Variants in SPEG observed in about 807,000 individuals in gnomAD.
SPEG encodes striated muscle preferentially expressed protein kinase.
A neutral mutation model predicts 300.4 loss-of-function variants in SPEG; 114 were observed. The ratio of observed to expected loss-of-function variants is 0.38; its 90% CI spans 0.33 to 0.44. The LOEUF is 0.44. SPEG is among the 20% of genes least tolerant of loss of function. The probability of loss-of-function intolerance (pLI) is 1.00; values close to 1 mark genes in which losing one functional copy is unlikely to be tolerated. For synonymous variants in SPEG, 1,964 were observed against 2,018.9 expected, an observed-to-expected ratio of 0.97 and a Z score of 0.73; for missense variants, 4,201 against 4,586.2, an observed-to-expected ratio of 0.92 and a Z score of 2.43.
intron 4 of SPEG, among the ~76,000 whole-genome samples, chr2:219,450,055 G>A (rs1689629528): frequency 6.6e-6 from 1 of 152,138 alleles, no homozygotes; most frequent in Non-Finnish European, 1.5e-5. Context: ...TCTACCTGCT[G>A]CTCCTGGGAG....
intron 10 of SPEG, 104 bp downstream of exon 10, chr2:219,467,538 G>T (rs1045657106): frequency 1.4e-5 from 19 of 1,379,136 alleles, no homozygotes; most frequent in Non-Finnish European, 1.9e-5. Flanking sequence ...CTCCAACCCC[G>T]AGGGGAAGCG....
At chr2:219,449,831 A>G (rs1186931300) in intron 4 of SPEG, among the ~76,000 whole-genome samples, 2 of 151,948 alleles carry the variant, frequency 1.3e-5, no homozygotes, top group Admixed American at 6.6e-5. Context: ...CCTCAGGCTT[A>G]CACCCCGCAT....
At chr2:219,490,036 G>A (rs924022327) in intron 36 of SPEG, 97 bp downstream of exon 36, 22 of 1,385,390 alleles carry the variant, frequency 1.6e-5, no homozygotes, top group Admixed American at 2.4e-5. Flanking sequence ...CCTGGCTGGG[G>A]TGGGGGGAGG....
chr2:219,450,274 T>C (rs1689644552), intron 4 of SPEG, among the ~76,000 whole-genome samples: 1 of 152,230 alleles, frequency 6.6e-6, no homozygotes, highest in East Asian at 1.9e-4. Flanking sequence ...TTTCAGCCTA[T>C]ATGTCAGTTT....
At position 219,464,302 on chromosome 2, in the gene SPEG, C is replaced by A; in HGVS notation, c.2706-131C>A. On this transcript the variant is annotated intron_variant, in intron 8 of 40. Coordinates refer to ENST00000312358, the MANE Select transcript of SPEG (RefSeq NM_005876.5). This position sits in a 1 kb window ranked among gnomAD's most constrained non-coding sequence, Gnocchi z 4.5. ...CCTGGAAACCAGGGATGCCCACGGT[C>A]AGTGGGACAGATCTGGGGACTGGGC... 1 of 1,004,902 alleles carries A rather than the reference C, an allele frequency of 1.0e-6. No individual in the cohort carries two copies. Among genetic ancestry groups the A allele is most frequent in the Non-Finnish European group, 1.4e-6 (1 of 689,976 alleles). 62.2% of individuals were successfully genotyped at this position (1,004,902 alleles called of 1,614,324 possible). A position where few individuals can be genotyped will look rare whatever the true frequency, so the allele number is the denominator to read the frequency against.
Position 219,472,232 on chromosome 2 carries a change from G to A in SPEG, c.3841G>A (p.Val1281Ile). The A allele has an allele frequency of 6.2e-7, 1 of 1,613,688 alleles. No individual in the cohort carries two copies. The highest frequency in any genetic ancestry group is 8.5e-7 in the Non-Finnish European group (1 of 1,179,972). ...CYAHLYVTDV[V>I]PGPPDGAPQV... ...ATTCGAACTGCGGCTTTCAGATGTG[G>A]TCCCAGGCCCTCCAGATGGCGCCCC... The change falls in exon 15 of 41, where the codon GTC becomes ATC. Residue 1281 changes from valine (V) to isoleucine (I), a missense_variant. This residue lies in a region of SPEG where 1,047 missense variants were observed against 1,356.8 expected (regional missense o/e 0.77). Coordinates refer to ENST00000312358, the MANE Select transcript of SPEG (RefSeq NM_005876.5).
rs532147251 is a variant in SPEG, at chr2:219,480,578, T to G, written c.5343-93T>G. The G allele has an allele frequency of 1.1e-5, 14 of 1,317,016 alleles. No individual in the cohort carries two copies. The East Asian group carries it at 3.2e-4, about 30-fold the overall frequency. 81.6% of individuals were successfully genotyped at this position (1,317,016 alleles called of 1,614,324 possible). A position where few individuals can be genotyped will look rare whatever the true frequency, so the allele number is the denominator to read the frequency against. ...GTCCATGGCAGTGTTCCCAGGGAGG[T>G]AACAGCTCACTCAGGTCAGCAGTAG... On this transcript the variant is annotated intron_variant, in intron 25 of 40. Transcript: ENST00000312358. This position sits in a 1 kb window ranked among gnomAD's most constrained non-coding sequence, Gnocchi z 5.3.
In SPEG at chr2:219,472,292, C is replaced by T. The variant is rs1691950387; in HGVS notation, c.3901C>T (p.Leu1301Phe). The change falls in exon 15 of 41, where the codon CTC (leucine) becomes TTC (phenylalanine). Residue 1301 changes from leucine (L) to phenylalanine (F), a missense_variant. Leu to Phe is a conservative substitution (Grantham distance 22). Coordinates refer to ENST00000312358, the MANE Select transcript of SPEG (RefSeq NM_005876.5). The stretch of plus-strand genomic sequence containing the variant: ...GGCTGTGACGGGGAGGATGGTCACA[C>T]TCACATGGAACCCCCCCAGGAGTCT... ...VVAVTGRMVT[L>F]TWNPPRSLDM... 1 of 1,613,720 alleles carries T rather than the reference C, an allele frequency of 6.2e-7. No individual in the cohort carries two copies. The highest frequency in any genetic ancestry group is 1.1e-5 in the South Asian group (1 of 91,088).
At position 219,472,231 on chromosome 2, in the gene SPEG, G is replaced by T. The variant is rs749108125; in HGVS notation, c.3840G>T (p.Val1280=). 1 of 1,613,650 alleles carries T rather than the reference G, an allele frequency of 6.2e-7. No homozygotes were observed. The highest frequency in any genetic ancestry group is 2.2e-5 in the East Asian group (1 of 44,888). The part of the protein sequence containing the change: ...ACYAHLYVTD[V]VPGPPDGAPQ... ...CATTCGAACTGCGGCTTTCAGATGT[G>T]GTCCCAGGCCCTCCAGATGGCGCCC... is the stretch of plus-strand genomic sequence containing the variant. Residue 1280 remains valine, a synonymous_variant, in exon 15 of 41, where the codon GTG becomes GTT. Transcript: ENST00000312358.
intron 8 of SPEG, 152 bp downstream of exon 8, chr2:219,462,538 C>G (rs1201311288): frequency 3.2e-6 from 2 of 633,298 alleles, no homozygotes; most frequent in Non-Finnish European, 5.5e-6. Context: ...GTGTACTCCC[C>G]CCGGCACCCT....
intron 22 of SPEG, among the ~76,000 whole-genome samples, chr2:219,478,399 A>G (rs1010535114): frequency 1.4e-4 from 22 of 152,146 alleles, no homozygotes; most frequent in African/African-American, 4.8e-4. Context: ...TATTATCCCC[A>G]TTTTACAGAT....
intron 9 of SPEG, chr2:219,465,995 G>A (rs894332542): frequency 1.7e-5 from 25 of 1,432,922 alleles, no homozygotes; most frequent in African/African-American, 2.8e-5. Context: ...GTGTGTGCGC[G>A]TGCGTGCGCG....
In SPEG at chr2:219,464,401, G is replaced by C; in HGVS notation, c.2706-32G>C. The stretch of plus-strand genomic sequence containing the variant: ...CTGTGCACGCACATCAGGCCCCTGG[G>C]CCCTGGGACTGAGTTCTTGCCCCTC... On this transcript the variant is annotated intron_variant, in intron 8 of 40. Transcript: ENST00000312358. The surrounding 1 kb of genome is among the most constrained non-coding windows in gnomAD (Gnocchi z 4.5). 6.3e-7 allele frequency: 1 copy of C among 1,592,852 alleles called. No homozygotes were observed. Among genetic ancestry groups the C allele is most frequent in the Non-Finnish European group, 8.5e-7 (1 of 1,173,344 alleles).
In SPEG at chr2:219,483,875, C is replaced by A. The variant is rs1424375477; in HGVS notation, c.6412C>A (p.Pro2138Thr). The change falls in exon 30 of 41, where the codon CCC (proline) becomes ACC (threonine). Residue 2138 changes from proline (P) to threonine (T), a missense_variant. This residue lies in a region of SPEG where 1,578 missense variants were observed against 1,506.0 expected (regional missense o/e 1.05). Coordinates refer to ENST00000312358, the MANE Select transcript of SPEG (RefSeq NM_005876.5). ...SSSFSQGEAEPRGRHRRAGAP... is the reference protein window; with the variant it reads ...SSSFSQGEAETRGRHRRAGAP... ...CAGCTTCTCCCAGGGTGAGGCGGAG[C>A]CCCGGGGCCGGCACCGCCGAGCGGG... 1 of 1,596,810 alleles carries A rather than the reference C, an allele frequency of 6.3e-7. No homozygotes were observed. The highest frequency in any genetic ancestry group is 8.5e-7 in the Non-Finnish European group (1 of 1,177,018).
At chr2:219,440,169 G>A (rs1203306966) in intron 1 of SPEG, among the ~76,000 whole-genome samples, 2 of 152,166 alleles carry the variant, frequency 1.3e-5, no homozygotes, top group East Asian at 1.9e-4. Context: ...AATAGCTTGA[G>A]CCCAGGAGTT....
chr2:219,479,945 C>T lies in SPEG; in HGVS notation c.5164-17C>T. The T allele has an allele frequency of 2.5e-6, 4 of 1,614,156 alleles. No individual in the cohort carries two copies. Among genetic ancestry groups the T allele is most frequent in the Middle Eastern group, 1.6e-4 (1 of 6,062 alleles). ...CCTTGTTCATTTGGCCCGCACACCT[C>T]GCCTTGTGTCTTCCAGCCTGAGAAC... On this transcript the variant is annotated splice_polypyrimidine_tract_variant and intron_variant, in intron 24 of 40. Coordinates refer to ENST00000312358, the MANE Select transcript of SPEG (RefSeq NM_005876.5). This position sits in a 1 kb window ranked among gnomAD's most constrained non-coding sequence, Gnocchi z 5.5.
intron 6 of SPEG, chr2:219,461,425 T>C: frequency 9.8e-7 from 1 of 1,024,438 alleles, no homozygotes; most frequent in African/African-American, 1.7e-5. Flanking sequence ...TGTGTTCCTC[T>C]GCACCAGGCC....
At chr2:219,472,671 C>T (rs1691988709) in intron 15 of SPEG, among the ~76,000 whole-genome samples, 1 of 152,184 alleles carries the variant, frequency 6.6e-6, no homozygotes, top group Non-Finnish European at 1.5e-5. Flanking sequence ...GAGTTCAATT[C>T]CAGCCCCATC....
rs748054774 is a variant in SPEG, at chr2:219,444,092, A to T, written c.389-561A>T. On this transcript the variant is annotated intron_variant, in intron 1 of 40. Coordinates refer to ENST00000312358, the MANE Select transcript of SPEG (RefSeq NM_005876.5). This position sits in a 1 kb window ranked among gnomAD's most constrained non-coding sequence, Gnocchi z 7.8. ...ACTGGCTCCTGCTCTAGCCCCCCGC[A>T]TCCCCCCCTTTCCCACCCGGCCCCG... The T allele has an allele frequency of 7.4e-7, 1 of 1,345,250 alleles. No homozygotes were observed. Among genetic ancestry groups the T allele is most frequent in the Non-Finnish European group, 9.9e-7 (1 of 1,007,522 alleles). 83.3% of individuals were successfully genotyped at this position (1,345,250 alleles called of 1,614,324 possible).
Sources: allele counts gnomAD v4.1 joint callset (sites outside exome capture counted in the v4.1 genomes callset), GRCh38; gene constraint gnomAD v4.1.1; regional missense constraint gnomAD v4.1.1; non-coding constraint Gnocchi (gnomAD v3.1); transcripts MANE v1.5; gene names NCBI Gene and HGNC (gene_info 2026-07-23, HGNC 2026-07-21).